The following LYPD6B variants were observed in gnomAD, a reference collection of about 807,000 sequenced individuals.
LYPD6B encodes ly6/PLAUR domain-containing protein 6B.
A neutral mutation model predicts 22.8 loss-of-function variants in LYPD6B; 17 were observed. The observed-to-expected ratio is 0.75, with a 90% CI of 0.51 to 1.12. LYPD6B has a LOEUF of 1.12. Among genes scored for constraint, LYPD6B ranks in the 50% most tolerant of loss-of-function variants. LYPD6B has a pLI of 0.00. For missense variants in LYPD6B, 221 were observed against 258.3 expected (o/e 0.86, Z 0.99); for synonymous variants, 106 against 91.6 (o/e 1.16, Z -0.90).
chr2:149,055,253 A>G (rs1314964581), intron 1 of LYPD6B, among the ~76,000 whole-genome samples: 1 of 152,236 alleles, frequency 6.6e-6, no homozygotes, highest in Non-Finnish European at 1.5e-5. Flanking sequence ...TGATTTGTGC[A>G]TCTGTCCTTG....
intron 1 of LYPD6B, among the ~76,000 whole-genome samples, chr2:149,128,036 G>A (rs1389405738): frequency 6.6e-6 from 1 of 151,850 alleles, no homozygotes. Context: ...CCCATATTTG[G>A]TTATTCAACT....
At chr2:149,097,205 C>T (rs1685944777) in intron 1 of LYPD6B, among the ~76,000 whole-genome samples, 1 of 152,254 alleles carries the variant, frequency 6.6e-6, no homozygotes, top group African/African-American at 2.4e-5. Context: ...CGAAGAGAAC[C>T]TCTCCTACTG....
intron 3 of LYPD6B, among the ~76,000 whole-genome samples, chr2:149,196,123 A>G (rs938568802): frequency 6.6e-6 from 1 of 152,240 alleles, no homozygotes; most frequent in Admixed American, 6.5e-5. Context: ...GGAATATGAA[A>G]TTATGCACAT....
intron 1 of LYPD6B, among the ~76,000 whole-genome samples, chr2:149,084,341 C>G (rs1685287898): frequency 1.3e-5 from 2 of 152,202 alleles, no homozygotes; most frequent in Non-Finnish European, 2.9e-5. Flanking sequence ...GAGTTTTCCT[C>G]ACTCATCCTT....
chr2:149,149,588 C>T (rs748037968), intron 2 of LYPD6B, among the ~76,000 whole-genome samples: 18 of 152,134 alleles, frequency 1.2e-4, no homozygotes, highest in Admixed American at 3.3e-4. Flanking sequence ...ATTTATATTC[C>T]AAGCGGCCAG....
At chr2:149,063,189 A>C (rs1320070127) in intron 1 of LYPD6B, among the ~76,000 whole-genome samples, 2 of 152,312 alleles carry the variant, frequency 1.3e-5, no homozygotes, top group East Asian at 3.9e-4. Flanking sequence ...CAGTAGAGTG[A>C]AAACGATGGT....
intron 5 of LYPD6B, among the ~76,000 whole-genome samples, chr2:149,210,891 C>T (rs957240547): frequency 2.0e-5 from 3 of 152,126 alleles, no homozygotes; most frequent in South Asian, 2.1e-4. Context: ...TGTATTAGTC[C>T]GTTCTTGCAT....
At chr2:149,057,503 A>G (rs1212162668) in intron 1 of LYPD6B, among the ~76,000 whole-genome samples, 1 of 152,088 alleles carries the variant, frequency 6.6e-6, no homozygotes, top group Admixed American at 6.5e-5. Flanking sequence ...ACAGCAGCCA[A>G]TTCAATCAGA....
intron 1 of LYPD6B, among the ~76,000 whole-genome samples, chr2:149,052,436 C>G (rs2105289737): frequency 6.6e-6 from 1 of 152,296 alleles, no homozygotes; most frequent in East Asian, 1.9e-4. Context: ...TTCTCTTTCC[C>G]TGAAAGCTAC....
At chr2:149,120,383 A>ATTTTTTTTTTTTTTTTT (rs869074241) in intron 1 of LYPD6B, among the ~76,000 whole-genome samples, 1 of 48,618 alleles carries the variant, frequency 2.1e-5, no homozygotes, top group African/African-American at 1.1e-4. Context: ...ATATATATAT[A>ATTTTTTTTTTTTTTTTT]TTTTTTTTTT....
chr2:149,040,226 T>C (rs1479070812), intron 1 of LYPD6B, among the ~76,000 whole-genome samples: 2 of 150,830 alleles, frequency 1.3e-5, no homozygotes, highest in Non-Finnish European at 3.0e-5. Flanking sequence ...TCTCTCTTTT[T>C]TTTTTTTTCT....
Position 149,215,049 on chromosome 2 carries a change from C to A in LYPD6B, c.*339C>A. The A allele has an allele frequency of 3.8e-6, 1 of 263,022 alleles. No individual in the cohort carries two copies. Among genetic ancestry groups the A allele is most frequent in the Non-Finnish European group, 7.4e-6 (1 of 135,924 alleles). 16.3% of individuals were successfully genotyped at this position (263,022 alleles called of 1,614,324 possible). ...GATTTCTTGACCTCCTTGACTGCCT[C>A]AGAGGCTGCCAGGTCAAACCCTCTT... On this transcript the variant is annotated 3_prime_UTR_variant, in exon 7 of 7. Coordinates refer to ENST00000409642, the MANE Select transcript of LYPD6B (RefSeq NM_177964.5).
At chr2:149,092,638 T>C (rs1685709821) in intron 1 of LYPD6B, among the ~76,000 whole-genome samples, 1 of 152,072 alleles carries the variant, frequency 6.6e-6, no homozygotes, top group Admixed American at 6.6e-5. Flanking sequence ...TCTAATAGAG[T>C]ATAAGTGGAT....
intron 2 of LYPD6B, among the ~76,000 whole-genome samples, chr2:149,147,733 C>T (rs1004585815): frequency 6.6e-6 from 1 of 152,064 alleles, no homozygotes; most frequent in Admixed American, 6.5e-5. Flanking sequence ...AGGCTGGTCT[C>T]GAACTCCTGA....
At chr2:149,158,012 C>T (rs1430643442) in intron 2 of LYPD6B, among the ~76,000 whole-genome samples, 4 of 152,220 alleles carry the variant, frequency 2.6e-5, no homozygotes, top group African/African-American at 9.6e-5. Context: ...ATTGTAGTCT[C>T]GCTTCAGCTT....
rs28598000 is a variant in LYPD6B at position 149,210,997 on chromosome 2, C to T, written c.329-1995C>T. Among the ~76,000 whole-genome samples, 1,282 of 152,224 alleles carry T rather than the reference C, an allele frequency of 8.4e-3. 24 individuals carry two copies. The highest frequency in any genetic ancestry group is 0.029 in the African/African-American group (1,223 of 41,534). On this transcript the variant is annotated intron_variant, in intron 5 of 6. Transcript: ENST00000409642. ...GGCTGTTCAGGAAGCATGATGCTGG[C>T]GTCTTCTTGGCTTCTGGGGAGGGCT...
At chr2:149,135,711 C>A (rs1187130876) in intron 2 of LYPD6B, among the ~76,000 whole-genome samples, 5 of 110,116 alleles carry the variant, frequency 4.5e-5, no homozygotes, top group Admixed American at 1.2e-4. Context: ...CAGAGGGAGA[C>A]CATGTCTCAA....
intron 1 of LYPD6B, among the ~76,000 whole-genome samples, chr2:149,113,638 G>A (rs965784105): frequency 6.6e-6 from 1 of 152,084 alleles, no homozygotes; most frequent in African/African-American, 2.4e-5. Context: ...TTCCATTTGA[G>A]TCTCACTATA....
chr2:149,191,688 A>T (rs904101238), intron 3 of LYPD6B, among the ~76,000 whole-genome samples: 1 of 152,200 alleles, frequency 6.6e-6, no homozygotes, highest in African/African-American at 2.4e-5. Context: ...ATAATTTACA[A>T]TGCAGCCTTT....
Sources: allele counts gnomAD v4.1 joint callset (sites outside exome capture counted in the v4.1 genomes callset), GRCh38; gene constraint gnomAD v4.1.1; transcripts MANE v1.5; gene names NCBI Gene and HGNC (gene_info 2026-07-23, HGNC 2026-07-21).